SORCS3: variants seen among roughly 807,000 people sequenced by gnomAD.
SORCS3 encodes VPS10 domain-containing receptor SorCS3.
In SORCS3, 57 loss-of-function variants were observed where a neutral mutation model predicts 146.3. The ratio of observed to expected loss-of-function variants is 0.39; its 90% CI spans 0.31 to 0.49. The LOEUF is 0.49. Ranked by LOEUF, SORCS3 falls within the 20% of genes least tolerant of loss-of-function variation. The pLI is 0.92. For synonymous variants in SORCS3, 653 were observed against 618.5 expected, an observed-to-expected ratio of 1.06 and a Z score of -0.83; for missense variants, 1,341 against 1,575.5, an observed-to-expected ratio of 0.85 and a Z score of 2.52.
At chr10:105,089,557 T>C (rs1310214382) in intron 5 of SORCS3, among the ~76,000 whole-genome samples, 2 of 152,204 alleles carry the variant, frequency 1.3e-5, no homozygotes, top group Admixed American at 6.5e-5. Context: ...TTATTGACCA[T>C]TCAGTACTCA....
In SORCS3 at chr10:104,881,210, A is replaced by G. The variant is rs149262618; in HGVS notation, c.696-34623A>G. 3.4e-3 allele frequency among the ~76,000 whole-genome samples: 514 copies of G among 152,320 alleles called. 2 individuals carry two copies. The highest frequency in any genetic ancestry group is 0.018 in the South Asian group (88 of 4,830). ...GGTTTAGCAGCTGTCTGATAGCTAC[A>G]TGCACAGTACAATGAGAGATACAAA... On this transcript the variant is annotated intron_variant, in intron 2 of 26. Coordinates refer to ENST00000369701, the MANE Select transcript of SORCS3 (RefSeq NM_014978.3).
intron 3 of SORCS3, among the ~76,000 whole-genome samples, chr10:104,941,089 T>C (rs1333605800): frequency 6.6e-6 from 1 of 152,218 alleles, no homozygotes; most frequent in Non-Finnish European, 1.5e-5. Flanking sequence ...TGCTAATGCA[T>C]TATAATTAGC....
intron 1 of SORCS3, among the ~76,000 whole-genome samples, chr10:104,823,291 G>A (rs1212908239): frequency 1.3e-5 from 2 of 152,146 alleles, no homozygotes; most frequent in Admixed American, 6.5e-5. Flanking sequence ...TAGGCCATGG[G>A]AACACTTAGA....
chr10:104,922,616 A>G (rs2019098369), intron 3 of SORCS3, among the ~76,000 whole-genome samples: 1 of 152,200 alleles, frequency 6.6e-6, no homozygotes, highest in African/African-American at 2.4e-5. Context: ...CATCCTTGCT[A>G]TTATGTTCTG....
chr10:104,762,771 C>T (rs2017136778), intron 1 of SORCS3, among the ~76,000 whole-genome samples: 1 of 152,214 alleles, frequency 6.6e-6, no homozygotes, highest in African/African-American at 2.4e-5. Flanking sequence ...CTTGCTTCTC[C>T]TGTACCTTCC....
In SORCS3 at chr10:105,095,862, G is replaced by A. The variant is rs573782864; in HGVS notation, c.1093+6023G>A. On this transcript the variant is annotated intron_variant, in intron 6 of 26. Transcript: ENST00000369701. ...AATTATAAAATGAAGCAGAATTAATGATTTATTTATTCATTCAGGGAACAG... is the reference window on the plus strand; with the variant it reads ...AATTATAAAATGAAGCAGAATTAATAATTTATTTATTCATTCAGGGAACAG... Among the ~76,000 whole-genome samples the A allele has an allele frequency of 4.6e-5, 7 of 152,126 alleles. No individual in the cohort carries two copies. In the South Asian group the frequency reaches 1.2e-3, roughly 27 times the overall value.
chr10:105,249,158 G>A (rs1334559240), intron 22 of SORCS3, among the ~76,000 whole-genome samples: 1 of 152,216 alleles, frequency 6.6e-6, no homozygotes, highest in Non-Finnish European at 1.5e-5. Flanking sequence ...GATAACAAGA[G>A]CCAGTAGGAG....
intron 4 of SORCS3, among the ~76,000 whole-genome samples, chr10:105,014,715 C>G (rs1459509287): frequency 6.6e-6 from 1 of 152,110 alleles, no homozygotes; most frequent in African/African-American, 2.4e-5. Context: ...GAAACTTAAT[C>G]TCCAAGGTGA....
intron 1 of SORCS3, among the ~76,000 whole-genome samples, chr10:104,719,669 AAAG>A (rs1469969202): frequency 1.3e-5 from 2 of 152,212 alleles, no homozygotes; most frequent in African/African-American, 4.8e-5. Flanking sequence ...ACTGAATATA[AAAG>A]ACACTTGGAA....
intron 1 of SORCS3, among the ~76,000 whole-genome samples, chr10:104,757,860 C>G (rs897134395): frequency 2.8e-4 from 14 of 50,476 alleles, no homozygotes; most frequent in African/African-American, 5.9e-4. Flanking sequence ...TGCCACCACC[C>G]CCCCCCCCAC....
intron 3 of SORCS3, among the ~76,000 whole-genome samples, chr10:104,960,039 T>C (rs1472435575): frequency 6.6e-6 from 1 of 152,156 alleles, no homozygotes; most frequent in Non-Finnish European, 1.5e-5. Context: ...TTGTTCTGCG[T>C]TGATCACATC....
intron 14 of SORCS3, among the ~76,000 whole-genome samples, chr10:105,196,971 C>T (rs2056547655): frequency 6.6e-6 from 1 of 152,172 alleles, no homozygotes; most frequent in Non-Finnish European, 1.5e-5. Context: ...CTTCCATCTT[C>T]CTGAAGTTCC....
At chr10:104,698,462 T>C (rs2016243211) in intron 1 of SORCS3, among the ~76,000 whole-genome samples, 1 of 152,170 alleles carries the variant, frequency 6.6e-6, no homozygotes, top group South Asian at 2.1e-4. Flanking sequence ...TGTTAGGATT[T>C]AGTTTTGATT....
chr10:105,208,984 C>A (rs1589689445), intron 16 of SORCS3, among the ~76,000 whole-genome samples: 1 of 152,236 alleles, frequency 6.6e-6, no homozygotes, highest in Non-Finnish European at 1.5e-5. Flanking sequence ...CAAGTTCCAC[C>A]TTTCTATGTA....
intron 4 of SORCS3, among the ~76,000 whole-genome samples, chr10:105,035,504 G>C (rs2055300047): frequency 6.8e-6 from 1 of 147,512 alleles, no homozygotes; most frequent in Non-Finnish European, 1.5e-5. Context: ...GTCTGGCTCT[G>C]TTGCCCAGGC....
At chr10:104,677,211 T>G (rs1160982488) in intron 1 of SORCS3, among the ~76,000 whole-genome samples, 1 of 152,214 alleles carries the variant, frequency 6.6e-6, no homozygotes, top group Non-Finnish European at 1.5e-5. Flanking sequence ...GGACTCCATT[T>G]CAACCCCAAT....
intron 3 of SORCS3, among the ~76,000 whole-genome samples, chr10:104,968,403 A>G (rs1362810835): frequency 1.3e-5 from 2 of 152,232 alleles, no homozygotes; most frequent in African/African-American, 2.4e-5. Flanking sequence ...GGCATGAGCC[A>G]CCGCGCCCGG....
chr10:104,942,545 C>A (rs1242547512), intron 3 of SORCS3, among the ~76,000 whole-genome samples: 4 of 152,108 alleles, frequency 2.6e-5, no homozygotes, highest in Non-Finnish European at 4.4e-5. Context: ...GCAAAAGTCC[C>A]TAAGACATTA....
At chr10:105,250,039 A>T (rs1459927294) in intron 22 of SORCS3, among the ~76,000 whole-genome samples, 1 of 152,202 alleles carries the variant, frequency 6.6e-6, no homozygotes, top group Non-Finnish European at 1.5e-5. Flanking sequence ...GAGGCGGAGA[A>T]GTACAAGATC....
Sources: allele counts gnomAD v4.1 joint callset (sites outside exome capture counted in the v4.1 genomes callset), GRCh38; gene constraint gnomAD v4.1.1; transcripts MANE v1.5; gene names NCBI Gene and HGNC (gene_info 2026-07-23, HGNC 2026-07-21).